ENO3: variants seen among roughly 807,000 people sequenced by gnomAD.
ENO3 encodes enolase 3.
A neutral mutation model predicts 47.7 loss-of-function variants in ENO3; 46 were observed. That is an observed-to-expected ratio of 0.96 (90% CI 0.76 to 1.23). The LOEUF (loss-of-function observed/expected upper bound fraction) is 1.23, where lower values mean the gene tolerates loss of function less well. Ranked by LOEUF, ENO3 falls within the 50% of genes most tolerant of loss-of-function variation. ENO3 has a pLI of 0.00. For missense variants in ENO3, 575 were observed against 566.2 expected (o/e 1.02, Z -0.16); for synonymous variants, 223 against 225.9 (o/e 0.99, Z 0.11).
chr17:4,951,684 C>T, intron 1 of ENO3, 144 bp from the exon 2 acceptor site: 2 of 865,696 alleles, frequency 2.3e-6, no homozygotes, highest in Non-Finnish European at 3.8e-6. Flanking sequence ...CTGCGCCTGC[C>T]TCTTTGGTCT....
At chr17:4,956,218 AC>A in intron 9 of ENO3, 75 bp downstream of exon 9, 1 of 1,540,330 alleles carries the variant, frequency 6.5e-7, no homozygotes, top group Non-Finnish European at 8.9e-7. Flanking sequence ...CTACAGTCTT[AC>A]CCACCAACTC....
rs142534791 is a variant in ENO3, at chr17:4,957,035, G to A, written c.1293G>A (p.Pro431=). 1.1e-5 allele frequency: 18 copies of A among 1,614,144 alleles called. No individual in the cohort carries two copies. The highest frequency in any genetic ancestry group is 2.2e-5 in the East Asian group (1 of 44,884). The change falls in exon 12 of 12, where the codon CCG becomes CCA. Residue 431 remains proline, a synonymous_variant. Transcript: ENST00000519602. ...TTGCTGGACGCAAGTTCCGTAACCC[G>A]AAGGCCAAGTGAGAAGCTGGAGGCT... ...AIFAGRKFRN[P]KAK is the part of the protein sequence containing the mutation.
chr17:4,955,404 C>G lies in ENO3; in HGVS notation c.668-3C>G, dbSNP rs758688801. 2.5e-6 allele frequency: 4 copies of G among 1,614,248 alleles called. No homozygotes were observed. The highest frequency in any genetic ancestry group is 3.3e-5 in the Admixed American group (2 of 60,032). On this transcript the variant is annotated splice_polypyrimidine_tract_variant and splice_region_variant and intron_variant, in intron 7 of 11. Transcript: ENST00000519602. ...CTCAGGTCCTTTCTTGGTCCTCCCC[C>G]AGCCCTGGAGCTGCTGAAGACGGCC...
Position 4,952,207 on chromosome 17 carries a change from C to A in ENO3, c.85+293C>A, listed in dbSNP as rs140431443. The stretch of plus-strand genomic sequence containing the variant: ...TTTGTTTTGTTTTGAGATGGAGTCT[C>A]GCTCTGTGGCCCGGGCTGGAGTGCA... On this transcript the variant is annotated intron_variant, in intron 2 of 11. Coordinates refer to ENST00000519602, the MANE Select transcript of ENO3 (RefSeq NM_053013.4). The A allele has an allele frequency of 7.3e-3, 3,405 of 464,094 alleles. 62 individuals are homozygous for A. The highest frequency in any genetic ancestry group is 0.043 in the East Asian group (844 of 19,530). 28.7% of individuals were successfully genotyped at this position (464,094 alleles called of 1,614,324 possible).
At chr17:4,955,369 G>C (rs1317427015) in intron 7 of ENO3, 38 bp from the exon 8 acceptor site, 1 of 1,614,198 alleles carries the variant, frequency 6.2e-7, no homozygotes, top group South Asian at 1.1e-5. Flanking sequence ...CAGACAAGGG[G>C]CACTGGAGTC....
In ENO3 at chr17:4,956,666, G is replaced by T. The variant is rs1971746245; in HGVS notation, c.1161G>T (p.Gly387=). The change falls in exon 10 of 12, where the codon GGG becomes GGT. Residue 387 remains glycine (G), a synonymous_variant. Transcript: ENST00000519602. ...EDTFIADLVV[G]LCTGQIKTGA... is the part of the protein sequence containing the mutation. The stretch of plus-strand genomic sequence containing the variant: ...CATTCATTGCTGACCTTGTGGTGGG[G>T]CTCTGCACAGGACAGGTACTTGTAG... 1.2e-6 allele frequency: 2 copies of T among 1,614,092 alleles called. No homozygotes were observed. Among genetic ancestry groups the T allele is most frequent in the Non-Finnish European group, 1.7e-6 (2 of 1,180,044 alleles).
At chr17:4,952,323 T>C (rs980605850) in intron 2 of ENO3, 6 of 345,626 alleles carry the variant, frequency 1.7e-5, no homozygotes, top group African/African-American at 1.3e-4. Flanking sequence ...ATTACAGGCC[T>C]GTGCCATCAC....
chr17:4,954,534 C>T (rs949277124), intron 6 of ENO3, among the ~76,000 whole-genome samples: 6 of 152,236 alleles, frequency 3.9e-5, no homozygotes, highest in African/African-American at 1.4e-4. Context: ...ATATACTAGG[C>T]ACATGCTAAG....
intron 6 of ENO3, 145 bp downstream of exon 6, chr17:4,953,990 C>A: frequency 8.0e-7 from 1 of 1,245,186 alleles, no homozygotes; most frequent in Non-Finnish European, 1.1e-6. Context: ...TGCTGTGGTC[C>A]CACCCCTCCC....
chr17:4,953,133 G>A, intron 4 of ENO3, 24 bp downstream of exon 4: 1 of 1,614,132 alleles, frequency 6.2e-7, no homozygotes, highest in Non-Finnish European at 8.5e-7. Context: ...CCCGCTCGCT[G>A]CAGCCTCCTC....
rs1971762219 is a variant in ENO3 at position 4,957,055 on chromosome 17, G to C, written c.*8G>C. 1 of 1,613,902 alleles carries C rather than the reference G, an allele frequency of 6.2e-7. No individual in the cohort carries two copies. The highest frequency in any genetic ancestry group is 1.7e-5 in the Admixed American group (1 of 60,004). ...AACCCGAAGGCCAAGTGAGAAGCTG[G>C]AGGCTCCAGGACTCCACTGGACAGA... On this transcript the variant is annotated 3_prime_UTR_variant, in exon 12 of 12. Coordinates refer to ENST00000519602, the MANE Select transcript of ENO3 (RefSeq NM_053013.4).
upstream of ENO3, chr17:4,949,358 C>G (rs1041394255): frequency 2.6e-5 from 4 of 152,428 alleles, no homozygotes; most frequent in African/African-American, 9.6e-5. Flanking sequence ...GGCTCTAGCC[C>G]AGGGCCTCAC....
upstream of ENO3, chr17:4,950,502 G>A: frequency 3.2e-6 from 3 of 940,980 alleles, no homozygotes; most frequent in Non-Finnish European, 3.8e-6. Flanking sequence ...GTTATCAGTC[G>A]GGCGCCTTGC....
At chr17:4,952,291 C>T (rs969193772) in intron 2 of ENO3, 5 of 362,334 alleles carry the variant, frequency 1.4e-5, no homozygotes, top group Middle Eastern at 9.8e-4. Flanking sequence ...ATTCTTGTGC[C>T]TCAGCCTCCC....
chr17:4,953,403 G>A (rs537421309), intron 5 of ENO3, 62 bp downstream of exon 5: 16 of 1,602,364 alleles, frequency 1.0e-5, no homozygotes. Context: ...AGAGGCCATG[G>A]GGTGAGGCCT....
At chr17:4,956,513 A>C in intron 9 of ENO3, 60 bp from the exon 10 acceptor site, 1 of 1,563,172 alleles carries the variant, frequency 6.4e-7, no homozygotes, top group African/African-American at 1.4e-5. Flanking sequence ...GCCCCACCCA[A>C]CCCCTGCTTT....
chr17:4,951,917 A>C lies in ENO3; in HGVS notation c.85+3A>C. ...GGTGGACCTGCACACGGCCAAGGGT[A>C]ACACAAGGCCCATTGGATAGGCTCG... On this transcript the variant is annotated splice_donor_region_variant and intron_variant, in intron 2 of 11. Coordinates refer to ENST00000519602, the MANE Select transcript of ENO3 (RefSeq NM_053013.4). 2.5e-6 allele frequency: 4 copies of C among 1,614,112 alleles called. No individual in the cohort carries two copies. The highest frequency in any genetic ancestry group is 3.4e-6 in the Non-Finnish European group (4 of 1,179,968).
In ENO3 at chr17:4,953,339, A is replaced by C; in HGVS notation, c.308A>C (p.Lys103Thr). The C allele has an allele frequency of 6.2e-7, 1 of 1,614,214 alleles. No individual in the cohort carries two copies. The highest frequency in any genetic ancestry group is 8.5e-7 in the Non-Finnish European group (1 of 1,180,022). ...ATTGAGCTAGATGGGACCGAGAATA[A>C]GTGTGAGTGAAGGGCTAGCGGTGGG... ...FMIELDGTEN[K>T]SKFGANAILG... The change falls in exon 5 of 12, where the codon AAG becomes ACG. Residue 103 changes from lysine (K) to threonine (T), a missense_variant and splice_region_variant. Transcript: ENST00000519602.
chr17:4,953,731 C>T lies in ENO3; in HGVS notation c.330C>T (p.Ala110=). The T allele has an allele frequency of 6.2e-7, 1 of 1,614,256 alleles. No individual in the cohort carries two copies. Among genetic ancestry groups the T allele is most frequent in the South Asian group, 1.1e-5 (1 of 91,090 alleles). Residue 110 remains alanine, a synonymous_variant, in exon 6 of 12, where the codon GCC becomes GCT. Coordinates refer to ENST00000519602, the MANE Select transcript of ENO3 (RefSeq NM_053013.4). ...TTCCAGCCAAGTTTGGGGCCAATGC[C>T]ATCCTGGGCGTGTCCTTGGCCGTGT... ...TENKSKFGAN[A]ILGVSLAVCK...
Sources: gnomAD v4.1 joint callset for allele counts (sites outside exome capture counted in the v4.1 genomes callset) on GRCh38, gnomAD v4.1.1 for gene constraint, MANE v1.5 for transcripts, NCBI Gene and HGNC (gene_info 2026-07-23, HGNC 2026-07-21) for gene names.